WWOX: variants seen among roughly 807,000 people sequenced by gnomAD.
WWOX encodes the protein WW domain-containing oxidoreductase.
A neutral mutation model predicts 46.2 loss-of-function variants in WWOX; 69 were observed. The ratio of observed to expected loss-of-function variants is 1.49; its 90% CI spans 1.23 to 1.82. The LOEUF is 1.82. WWOX is among the 40% of genes most tolerant of loss of function. The probability of loss-of-function intolerance (pLI) is 0.00; values close to 1 mark genes in which losing one functional copy is unlikely to be tolerated. For missense variants in WWOX, 919 were observed against 542.6 expected, an observed-to-expected ratio of 1.69 and a Z score of -6.89; for synonymous variants, 359 against 202.6, an observed-to-expected ratio of 1.77 and a Z score of -6.56.
At chr16:79,061,181 G>T (rs1048022503) in intron 8 of WWOX, among the ~76,000 whole-genome samples, 2 of 152,164 alleles carry the variant, frequency 1.3e-5, no homozygotes, top group African/African-American at 4.8e-5. Flanking sequence ...CATTTTGTGT[G>T]CCAACCCGAA....
intron 8 of WWOX, among the ~76,000 whole-genome samples, chr16:78,540,310 C>G (rs72803932): frequency 0.083 from 12,642 of 151,724 alleles, 720 homozygotes; most frequent in South Asian, 0.21. Context: ...TATCATGTAT[C>G]TCTTTAAAAT....
intron 8 of WWOX, among the ~76,000 whole-genome samples, chr16:78,977,740 G>C (rs73567314): frequency 1.2e-3 from 177 of 152,216 alleles, no homozygotes; most frequent in African/African-American, 4.1e-3. Context: ...CTGCAAGTCT[G>C]TGACCGTCCT....
At position 78,364,248 on chromosome 16, in the gene WWOX, TAA is replaced by T. The variant is rs148217938; in HGVS notation, c.517-22610_517-22609del. Among the ~76,000 whole-genome samples the T allele has an allele frequency of 1.4e-3, 217 of 152,340 alleles. 1 individual carries two copies. The highest frequency in any genetic ancestry group is 5.1e-3 in the African/African-American group (211 of 41,578). On this transcript the variant is annotated intron_variant, in intron 5 of 8. Transcript: ENST00000566780. The stretch of plus-strand genomic sequence containing the variant: ...ATATTTTCTTACCTGTCACAGCCAT[TAA>T]ATTTATTTTAATAGTTACTCTACTC...
intron 8 of WWOX, among the ~76,000 whole-genome samples, chr16:78,974,100 A>G (rs1020683248): frequency 1.4e-4 from 22 of 152,120 alleles, no homozygotes; most frequent in African/African-American, 5.3e-4. Flanking sequence ...AGTGTAAAGG[A>G]CTCTCCTCAT....
chr16:79,043,391 C>T (rs1440354455), intron 8 of WWOX, among the ~76,000 whole-genome samples: 1 of 152,018 alleles, frequency 6.6e-6, no homozygotes, highest in African/African-American at 2.4e-5. Flanking sequence ...TTTGTGGATT[C>T]TGAGGATAAA....
At chr16:78,311,563 AGCAAGCAAT>A (rs2080244531) in intron 5 of WWOX, among the ~76,000 whole-genome samples, 1 of 152,228 alleles carries the variant, frequency 6.6e-6, no homozygotes, top group Non-Finnish European at 1.5e-5. Context: ...CGTAACAGTG[AGCAAGCAAT>A]GTGACCTTAC....
At chr16:78,754,337 C>G (rs766586913) in intron 8 of WWOX, among the ~76,000 whole-genome samples, 1 of 152,048 alleles carries the variant, frequency 6.6e-6, no homozygotes, top group Non-Finnish European at 1.5e-5. Context: ...AGCCTAAGGT[C>G]AGTGTGCAAG....
At chr16:78,625,479 C>A (rs144306314) in intron 8 of WWOX, among the ~76,000 whole-genome samples, 34 of 152,106 alleles carry the variant, frequency 2.2e-4, no homozygotes, top group African/African-American at 7.7e-4. Flanking sequence ...AAACAGACTT[C>A]GTTAGAACAT....
At chr16:78,337,399 C>G (rs914395406) in intron 5 of WWOX, among the ~76,000 whole-genome samples, 1 of 152,118 alleles carries the variant, frequency 6.6e-6, no homozygotes. Context: ...CCCACTGATC[C>G]CTGGTCCTGC....
At position 78,622,663 on chromosome 16, in the gene WWOX, A is replaced by C. The variant is rs926347460; in HGVS notation, c.1056+189911A>C. On this transcript the variant is annotated intron_variant, in intron 8 of 8. Coordinates refer to ENST00000566780, the MANE Select transcript of WWOX (RefSeq NM_016373.4). Reference sequence around the variant, plus strand: ...GGCCTGATGTGATCACCCTTCCCCCACCTTGAATGTAGGTGGGATATGGGA... The same window carrying C: ...GGCCTGATGTGATCACCCTTCCCCCCCCTTGAATGTAGGTGGGATATGGGA... 2.2e-5 allele frequency among the ~76,000 whole-genome samples: 3 copies of C among 136,228 alleles called. No individual in the cohort carries two copies. The East Asian group carries it at 6.5e-4, about 29-fold the overall frequency. 89.4% of individuals were successfully genotyped at this position (136,228 alleles called of 152,430 possible).
chr16:78,314,701 G>GTTTTTTTTTTTTTTTTT (rs920575863), intron 5 of WWOX, among the ~76,000 whole-genome samples: 135 of 61,242 alleles, frequency 2.2e-3, no homozygotes, highest in African/African-American at 8.1e-3. Flanking sequence ...TTTTTTTTTT[G>GTTTTTTTTTTTTTTTTT]TTTTTTTTTT....
At chr16:78,941,202 A>G (rs2045844948) in intron 8 of WWOX, among the ~76,000 whole-genome samples, 1 of 152,176 alleles carries the variant, frequency 6.6e-6, no homozygotes, top group Admixed American at 6.5e-5. Context: ...CAAAGGATAA[A>G]TCTATCATGT....
intron 5 of WWOX, among the ~76,000 whole-genome samples, chr16:78,319,326 C>G (rs2080417919): frequency 6.6e-6 from 1 of 152,084 alleles, no homozygotes; most frequent in Non-Finnish European, 1.5e-5. Flanking sequence ...TTGCTCTCGC[C>G]CAAGCTGGAG....
chr16:79,147,268 C>G (rs2050198619), intron 8 of WWOX, among the ~76,000 whole-genome samples: 1 of 152,210 alleles, frequency 6.6e-6, no homozygotes, highest in Non-Finnish European at 1.5e-5. Flanking sequence ...TGCCTCATCC[C>G]TGACCCCTGG....
At chr16:79,137,545 C>T (rs761634514) in intron 8 of WWOX, among the ~76,000 whole-genome samples, 107 of 152,090 alleles carry the variant, frequency 7.0e-4, no homozygotes, top group Non-Finnish European at 1.2e-3. Flanking sequence ...CCCGAGGCAA[C>T]GTTGTGGAAT....
chr16:78,768,795 GA>G (rs1346455748), intron 8 of WWOX, among the ~76,000 whole-genome samples: 1 of 152,102 alleles, frequency 6.6e-6, no homozygotes, highest in Non-Finnish European at 1.5e-5. Flanking sequence ...TGTGGAACGA[GA>G]AAGTGAATAT....
At position 78,971,117 on chromosome 16, in the gene WWOX, C is replaced by G. The variant is rs1208721145; in HGVS notation, c.1057-240491C>G. Among the ~76,000 whole-genome samples the G allele has an allele frequency of 4.0e-5, 6 of 151,784 alleles. No individual in the cohort carries two copies. In the East Asian group the frequency reaches 9.7e-4, roughly 24 times the overall value. ...TATATATATCAGGTAAGATTCTAGT[C>G]CAGTGTGAGCCATATGCTTTATTCC... On this transcript the variant is annotated intron_variant, in intron 8 of 8. Transcript: ENST00000566780.
At chr16:79,192,023 A>T (rs1033303695) in intron 8 of WWOX, among the ~76,000 whole-genome samples, 7 of 152,246 alleles carry the variant, frequency 4.6e-5, no homozygotes, top group Non-Finnish European at 8.8e-5. Flanking sequence ...CTGACCAGGA[A>T]TCTGGGGCAT....
At chr16:79,092,702 A>G (rs1470601113) in intron 8 of WWOX, among the ~76,000 whole-genome samples, 1 of 152,228 alleles carries the variant, frequency 6.6e-6, no homozygotes, top group African/African-American at 2.4e-5. Flanking sequence ...CCTTTCATGG[A>G]CATAATTTCC....
Sources: allele counts gnomAD v4.1 joint callset (sites outside exome capture counted in the v4.1 genomes callset), GRCh38; gene constraint gnomAD v4.1.1; transcripts MANE v1.5; gene names NCBI Gene and HGNC (gene_info 2026-07-23, HGNC 2026-07-21).